GUCY1A2: variants seen among roughly 807,000 people sequenced by gnomAD.
The protein encoded by GUCY1A2 is guanylate cyclase 1 soluble subunit alpha 2, also known as guanylate cyclase soluble subunit alpha-2.
GUCY1A2 carries 27 observed loss-of-function variants against 63.5 expected under a neutral mutation model. The observed-to-expected ratio is 0.43, with a 90% confidence interval of 0.31 to 0.59. GUCY1A2 has a LOEUF of 0.59. Ranked by LOEUF, GUCY1A2 falls within the 20% of genes least tolerant of loss-of-function variation. The pLI is 0.11. For missense variants in GUCY1A2, 768 were observed against 913.3 expected, an observed-to-expected ratio of 0.84 and a Z score of 2.05; for synonymous variants, 364 against 343.5, an observed-to-expected ratio of 1.06 and a Z score of -0.66.
intron 4 of GUCY1A2, among the ~76,000 whole-genome samples, chr11:106,900,330 C>T (rs1408000783): frequency 3.3e-5 from 5 of 152,070 alleles, no homozygotes; most frequent in Non-Finnish European, 7.4e-5. Flanking sequence ...ACTACAGCTG[C>T]AAGCCCCCAC....
At chr11:106,903,803 T>C (rs1860167480) in intron 4 of GUCY1A2, among the ~76,000 whole-genome samples, 1 of 152,160 alleles carries the variant, frequency 6.6e-6, no homozygotes, top group Admixed American at 6.6e-5. Flanking sequence ...AATAAAATTG[T>C]CTACAACTGC....
chr11:106,932,889 T>C lies in GUCY1A2; in HGVS notation c.1206+6571A>G, dbSNP rs11211981. 8.3e-3 allele frequency among the ~76,000 whole-genome samples: 1,261 copies of C among 152,208 alleles called. 12 individuals are homozygous for C. The highest frequency in any genetic ancestry group is 0.028 in the African/African-American group (1,170 of 41,524). The stretch of plus-strand genomic sequence containing the variant: ...GGGAAAGGACTCCCTATTCAATAAA[T>C]GGTGCTGGGATAGCTGGCTAGCTGT... On this transcript the variant is annotated intron_variant, in intron 4 of 7. Transcript: ENST00000526355.
chr11:106,787,171 CTTAG>C (rs1435184387), intron 5 of GUCY1A2, among the ~76,000 whole-genome samples: 4 of 151,306 alleles, frequency 2.6e-5, no homozygotes, highest in Non-Finnish European at 5.9e-5. Flanking sequence ...TAATTATACT[CTTAG>C]TTATTTTTAA....
intron 4 of GUCY1A2, among the ~76,000 whole-genome samples, chr11:106,870,617 T>G (rs935514543): frequency 6.6e-6 from 1 of 152,096 alleles, no homozygotes; most frequent in East Asian, 1.9e-4. Context: ...TGGGAATTAT[T>G]ATAATGGCTG....
chr11:106,793,115 C>G (rs187502989), intron 5 of GUCY1A2, among the ~76,000 whole-genome samples: 1 of 152,222 alleles, frequency 6.6e-6, no homozygotes, highest in Admixed American at 6.5e-5. Flanking sequence ...TTCCTGATTT[C>G]AAACTAATCA....
rs541037415 is a variant in GUCY1A2, at chr11:106,804,662, T to C, written c.1692+5331A>G. On this transcript the variant is annotated intron_variant, in intron 5 of 7. Transcript: ENST00000526355. ...AAGTGGCAAGACAAATCAAAATTCTTGAGGCATAAAGCTGTGTAGCCCTAA... is the reference window on the plus strand; with the variant it reads ...AAGTGGCAAGACAAATCAAAATTCTCGAGGCATAAAGCTGTGTAGCCCTAA... Among the ~76,000 whole-genome samples the C allele has an allele frequency of 1.1e-3, 160 of 152,314 alleles. 1 individual carries two copies. Among genetic ancestry groups the C allele is most frequent in the African/African-American group, 3.8e-3 (156 of 41,580 alleles).
intron 4 of GUCY1A2, among the ~76,000 whole-genome samples, chr11:106,846,223 T>C (rs1859269326): frequency 6.6e-6 from 1 of 151,612 alleles, no homozygotes; most frequent in Non-Finnish European, 1.5e-5. Context: ...ACATCTTTGG[T>C]AATATACTTT....
intron 7 of GUCY1A2, among the ~76,000 whole-genome samples, chr11:106,689,314 T>TATA (rs1411476890): frequency 1.3e-5 from 2 of 152,162 alleles, no homozygotes; most frequent in Non-Finnish European, 2.9e-5. Context: ...TGCTAAAGGA[T>TATA]ATAATGGCAG....
chr11:106,677,964 T>C lies in GUCY1A2; in HGVS notation c.*9585A>G, dbSNP rs1220474458. ...TTTTAAGGATCAAATGAAAAAGCAA[T>C]GAGCACCTATTATTTCAGGTCATTG... On this transcript the variant is annotated 3_prime_UTR_variant, in exon 8 of 8. Coordinates refer to ENST00000526355, the MANE Select transcript of GUCY1A2 (RefSeq NM_000855.3). The C allele has an allele frequency of 9.9e-6, 2 of 202,490 alleles. No individual in the cohort carries two copies. The highest frequency in any genetic ancestry group is 2.0e-5 in the Non-Finnish European group (2 of 98,396). 12.5% of individuals were successfully genotyped at this position (202,490 alleles called of 1,614,324 possible).
chr11:106,784,556 A>C (rs1412113982), intron 5 of GUCY1A2, among the ~76,000 whole-genome samples: 1 of 152,110 alleles, frequency 6.6e-6, no homozygotes, highest in Non-Finnish European at 1.5e-5. Context: ...AGCAGCCTCT[A>C]CCTCTTTGGC....
Position 106,680,530 on chromosome 11 carries a change from C to T in GUCY1A2, c.*7019G>A. On this transcript the variant is annotated 3_prime_UTR_variant, in exon 8 of 8. Coordinates refer to ENST00000526355, the MANE Select transcript of GUCY1A2 (RefSeq NM_000855.3). ...CTAATATAAAGAATGATCTGATCAG[C>T]AACTAGCTGAATTAACTGGAAGGAT... The T allele has an allele frequency of 5.1e-6, 1 of 197,620 alleles. No homozygotes were observed. Among genetic ancestry groups the T allele is most frequent in the Non-Finnish European group, 1.0e-5 (1 of 95,530 alleles). 12.2% of individuals were successfully genotyped at this position (197,620 alleles called of 1,614,324 possible).
chr11:106,979,577 T>C (rs1428696424), intron 2 of GUCY1A2, among the ~76,000 whole-genome samples: 1 of 152,016 alleles, frequency 6.6e-6, no homozygotes, highest in Non-Finnish European at 1.5e-5. Context: ...AGTAACCTAA[T>C]CTCTGTTAGT....
In GUCY1A2 at chr11:106,864,229, G is replaced by T. The variant is rs28717670; in HGVS notation, c.1207-53751C>A. 7.4e-3 allele frequency among the ~76,000 whole-genome samples: 1,055 copies of T among 143,232 alleles called. 9 individuals are homozygous for T. The highest frequency in any genetic ancestry group is 0.025 in the African/African-American group (995 of 40,214). The allele number at this position is 143,232 out of a possible 152,430, so 94.0% of individuals were successfully genotyped here. A position where few individuals can be genotyped will look rare whatever the true frequency, so the allele number is the denominator to read the frequency against. On this transcript the variant is annotated intron_variant, in intron 4 of 7. Transcript: ENST00000526355. ...TAAAGTATAATAATAATAAGAAGAA[G>T]AAGAAAGATAATGCCAGACTTGAAT...
At chr11:106,993,111 A>G (rs1201834967) in intron 1 of GUCY1A2, among the ~76,000 whole-genome samples, 2 of 152,194 alleles carry the variant, frequency 1.3e-5, no homozygotes, top group Non-Finnish European at 2.9e-5. Context: ...GCTTCTCTAC[A>G]ATATAGAAGA....
chr11:106,785,055 C>A (rs1864532759), intron 5 of GUCY1A2, among the ~76,000 whole-genome samples: 1 of 152,112 alleles, frequency 6.6e-6, no homozygotes, highest in Non-Finnish European at 1.5e-5. Flanking sequence ...AATAAAAGGT[C>A]ATCTCATCTC....
At position 106,755,084 on chromosome 11, in the gene GUCY1A2, G is replaced by A. The variant is rs540664836; in HGVS notation, c.1836+21355C>T. Among the ~76,000 whole-genome samples the A allele has an allele frequency of 6.1e-4, 93 of 152,250 alleles. 1 individual carries two copies. The highest frequency in any genetic ancestry group is 2.1e-3 in the African/African-American group (88 of 41,536). On this transcript the variant is annotated intron_variant, in intron 6 of 7. Coordinates refer to ENST00000526355, the MANE Select transcript of GUCY1A2 (RefSeq NM_000855.3). Reference sequence around the variant, plus strand: ...CTTCCTGGTTTAGTCTTGGGAGAGTGTATGTGTCCAGGAATTTATCAGTTT... The same window carrying A: ...CTTCCTGGTTTAGTCTTGGGAGAGTATATGTGTCCAGGAATTTATCAGTTT...
At chr11:106,740,085 G>A (rs905132219) in intron 6 of GUCY1A2, among the ~76,000 whole-genome samples, 1 of 143,406 alleles carries the variant, frequency 7.0e-6, no homozygotes, top group African/African-American at 2.6e-5. Context: ...TGCAACCTCC[G>A]CCTCCCAGGT....
At chr11:106,943,795 G>A (rs760835613) in intron 3 of GUCY1A2, among the ~76,000 whole-genome samples, 35 of 152,132 alleles carry the variant, frequency 2.3e-4, no homozygotes, top group Non-Finnish European at 4.7e-4. Flanking sequence ...CTACAAAACA[G>A]TAAATTACAT....
chr11:106,954,383 G>A (rs554510543), intron 3 of GUCY1A2, among the ~76,000 whole-genome samples: 55 of 152,038 alleles, frequency 3.6e-4, no homozygotes, highest in African/African-American at 1.1e-3. Context: ...AAACTGTTAC[G>A]ATTTCAGTTC....
Sources: gnomAD v4.1 joint callset for allele counts (sites outside exome capture counted in the v4.1 genomes callset) on GRCh38, gnomAD v4.1.1 for gene constraint, MANE v1.5 for transcripts, NCBI Gene and HGNC (gene_info 2026-07-23, HGNC 2026-07-21) for gene names.